The following ZNF207 variants were observed in gnomAD, a reference collection of about 807,000 sequenced individuals.
The protein encoded by ZNF207 is BUB3-interacting and GLEBS motif-containing protein ZNF207.
In ZNF207, 24 loss-of-function variants were observed where a neutral mutation model predicts 60.2. The observed-to-expected ratio is 0.40, with a 90% CI of 0.29 to 0.56. The LOEUF is 0.56. ZNF207 is among the 20% of genes least tolerant of loss of function. ZNF207 has a pLI of 0.49. For missense variants in ZNF207, 452 were observed against 636.6 expected (o/e 0.71, Z 3.12); for synonymous variants, 236 against 194.7 (o/e 1.21, Z -1.77).
intron 3 of ZNF207, among the ~76,000 whole-genome samples, chr17:32,359,110 G>T (rs1233659136): frequency 2.0e-5 from 3 of 148,260 alleles, no homozygotes; most frequent in African/African-American, 7.5e-5. Flanking sequence ...GCTGATTTTT[G>T]TTTGTTTTTG....
chr17:32,358,390 T>C (rs1160938799), intron 2 of ZNF207, 113 bp from the exon 3 acceptor site: 2 of 974,970 alleles, frequency 2.1e-6, no homozygotes, highest in African/African-American at 3.5e-5. Flanking sequence ...AACTGGGAAT[T>C]GGCTCTACAT....
chr17:32,381,122 C>T lies in ZNF207; in HGVS notation c.*11363C>T, dbSNP rs566692900. The T allele has an allele frequency of 6.6e-6, 1 of 152,274 alleles. No homozygotes were observed. Among genetic ancestry groups the T allele is most frequent in the Non-Finnish European group, 1.5e-5 (1 of 68,034 alleles). The allele number at this position is 152,274 out of a possible 1,614,324, so 9.4% of individuals were successfully genotyped here. On this transcript the variant is annotated 3_prime_UTR_variant, in exon 12 of 12. Coordinates refer to ENST00000394670, the MANE Select transcript of ZNF207 (RefSeq NM_001098507.2). ...AGGAAAAGGTCCATTTATTTCCAAA[C>T]TAGTCTGTAGTGGTTTAGAGTAAGC...
intron 3 of ZNF207, among the ~76,000 whole-genome samples, chr17:32,359,416 T>C (rs1904731590): frequency 6.6e-6 from 1 of 152,030 alleles, no homozygotes; most frequent in South Asian, 2.1e-4. Context: ...TGGCCTAGTT[T>C]TTATATTTTT....
At chr17:32,366,572 C>G (rs1445185334) in intron 8 of ZNF207, 93 bp from the exon 9 acceptor site, 10 of 967,340 alleles carry the variant, frequency 1.0e-5, no homozygotes, top group Non-Finnish European at 1.4e-5. Context: ...TTTGCATTTA[C>G]AAATATGCAA....
At chr17:32,368,368 C>T (rs186260487) in intron 10 of ZNF207, 35 of 208,140 alleles carry the variant, frequency 1.7e-4, no homozygotes, top group Non-Finnish European at 2.0e-5. Context: ...CCTTAAGTCC[C>T]ATATAAATGA....
rs1031758794 is a variant in ZNF207 at position 32,376,239 on chromosome 17, A to G, written c.*6480A>G. 3.3e-5 allele frequency: 5 copies of G among 152,072 alleles called. No homozygotes were observed. The highest frequency in any genetic ancestry group is 7.4e-5 in the Non-Finnish European group (5 of 67,910). 9.4% of individuals were successfully genotyped at this position (152,072 alleles called of 1,614,324 possible). A position where few individuals can be genotyped will look rare whatever the true frequency, so the allele number is the denominator to read the frequency against. On this transcript the variant is annotated 3_prime_UTR_variant, in exon 12 of 12. Coordinates refer to ENST00000394670, the MANE Select transcript of ZNF207 (RefSeq NM_001098507.2). ...TGCGCTTCCCAATAACTTTAAATAT[A>G]TCCACCTTTTCCAAGTGTTTAAGCC...
Position 32,376,225 on chromosome 17 carries a change from A to G in ZNF207, c.*6466A>G, listed in dbSNP as rs545858106. 33 of 152,178 alleles carry G rather than the reference A, an allele frequency of 2.2e-4. No individual in the cohort carries two copies. The highest frequency in any genetic ancestry group is 7.9e-4 in the African/African-American group (33 of 41,568). The allele number at this position is 152,178 out of a possible 1,614,324, so 9.4% of individuals were successfully genotyped here. On this transcript the variant is annotated 3_prime_UTR_variant, in exon 12 of 12. Coordinates refer to ENST00000394670, the MANE Select transcript of ZNF207 (RefSeq NM_001098507.2). The stretch of plus-strand genomic sequence containing the variant: ...GTAGGACTTCAGTTTGCGCTTCCCA[A>G]TAACTTTAAATATATCCACCTTTTC...
At chr17:32,367,638 C>G in intron 9 of ZNF207, 134 bp from the exon 10 acceptor site, 1 of 1,212,732 alleles carries the variant, frequency 8.2e-7, no homozygotes, top group Non-Finnish European at 1.1e-6. Context: ...ATGTTTATCA[C>G]ATTAACTTTG....
intron 1 of ZNF207, chr17:32,351,552 A>T: frequency 6.5e-7 from 1 of 1,530,768 alleles, no homozygotes; most frequent in Non-Finnish European, 8.7e-7. Context: ...TATATTGCTG[A>T]TTATTGAGAT....
At chr17:32,360,837 T>C in intron 4 of ZNF207, 55 bp from the exon 5 acceptor site, 1 of 1,612,510 alleles carries the variant, frequency 6.2e-7, no homozygotes, top group Non-Finnish European at 8.5e-7. Flanking sequence ...TATTACTTTC[T>C]TCCCTCTAAC....
chr17:32,371,465 T>C lies in ZNF207; in HGVS notation c.*1706T>C, dbSNP rs1438127446. ...AAGCTGAATGCTATTTTAACTCACATTGGCTGGGTGCAGTGGCTCACGCCT... is the reference window on the plus strand; with the variant it reads ...AAGCTGAATGCTATTTTAACTCACACTGGCTGGGTGCAGTGGCTCACGCCT... On this transcript the variant is annotated 3_prime_UTR_variant, in exon 12 of 12. Coordinates refer to ENST00000394670, the MANE Select transcript of ZNF207 (RefSeq NM_001098507.2). 1 of 105,940 alleles carries C rather than the reference T, an allele frequency of 9.4e-6. No homozygotes were observed. The highest frequency in any genetic ancestry group is 4.6e-5 in the African/African-American group (1 of 21,708). The allele number at this position is 105,940 out of a possible 1,614,324, so 6.6% of individuals were successfully genotyped here.
chr17:32,365,608 T>C, intron 8 of ZNF207, 121 bp downstream of exon 8: 1 of 879,628 alleles, frequency 1.1e-6, no homozygotes, highest in Non-Finnish European at 1.5e-6. Context: ...TAATATTATT[T>C]ATTAAATATA....
intron 7 of ZNF207, 93 bp from the exon 8 acceptor site, chr17:32,365,237 A>G: frequency 7.6e-7 from 1 of 1,321,358 alleles, no homozygotes. Context: ...GTCATTGAGC[A>G]GTTAATTGTT....
chr17:32,358,376 G>A, intron 2 of ZNF207, 127 bp from the exon 3 acceptor site: 1 of 819,704 alleles, frequency 1.2e-6, no homozygotes, highest in Non-Finnish European at 1.8e-6. Flanking sequence ...CTAGTGAATG[G>A]CAAAACTGGG....
intron 6 of ZNF207, among the ~76,000 whole-genome samples, chr17:32,362,154 G>A (rs1047388859): frequency 1.3e-4 from 19 of 151,392 alleles, no homozygotes; most frequent in African/African-American, 4.6e-4. Flanking sequence ...GTGTGTGTGT[G>A]TGTATATGTA....
chr17:32,352,309 GTTT>G (rs1019126649), intron 2 of ZNF207, among the ~76,000 whole-genome samples: 1 of 149,770 alleles, frequency 6.7e-6, no homozygotes, highest in African/African-American at 2.5e-5. Context: ...CTGTAGTTTT[GTTT>G]TTTTTTTGTT....
intron 9 of ZNF207, among the ~76,000 whole-genome samples, chr17:32,367,081 T>G (rs1415925588): frequency 6.6e-6 from 1 of 151,630 alleles, no homozygotes; most frequent in Non-Finnish European, 1.5e-5. Context: ...AATTTAATAC[T>G]GCTTTGGTTC....
At position 32,360,580 on chromosome 17, in the gene ZNF207, A is replaced by C; in HGVS notation, c.308-18A>C. The C allele has an allele frequency of 8.5e-7, 1 of 1,171,902 alleles. No homozygotes were observed. The highest frequency in any genetic ancestry group is 1.6e-5 in the African/African-American group (1 of 64,032). The allele number at this position is 1,171,902 out of a possible 1,614,324, so 72.6% of individuals were successfully genotyped here. A position where few individuals can be genotyped will look rare whatever the true frequency, so the allele number is the denominator to read the frequency against. On this transcript the variant is annotated intron_variant, in intron 3 of 11. Transcript: ENST00000394670. ...TCTTAGTTTTTACTCTATGGAAATA[A>C]TTTTTTTTTTTTAACAGAAAGTCAA...
At chr17:32,366,558 A>C (rs1344284970) in intron 8 of ZNF207, 107 bp from the exon 9 acceptor site, 2 of 759,162 alleles carry the variant, frequency 2.6e-6, no homozygotes, top group Admixed American at 7.1e-5. Context: ...TGATTGCATT[A>C]AATTTTGCAT....
Sources: gnomAD v4.1 joint callset for allele counts (sites outside exome capture counted in the v4.1 genomes callset) on GRCh38, gnomAD v4.1.1 for gene constraint, MANE v1.5 for transcripts, NCBI Gene and HGNC (gene_info 2026-07-23, HGNC 2026-07-21) for gene names.